Variants in GLMN observed in about 807,000 individuals in gnomAD.
The protein encoded by GLMN is glomulin, FKBP associated protein, also known as glomulin.
GLMN carries 75 observed loss-of-function variants against 87.8 expected under a neutral mutation model. That is an observed-to-expected ratio of 0.85 (90% confidence interval 0.71 to 1.04). The LOEUF is 1.04. GLMN is among the 50% of genes least tolerant of loss of function. GLMN has a pLI of 0.00. For missense variants in GLMN, 588 were observed against 658.8 expected, an observed-to-expected ratio of 0.89 and a Z score of 1.18; for synonymous variants, 206 against 221.6, an observed-to-expected ratio of 0.93 and a Z score of 0.63.
chr1:92,347,941 G>A, the GLMN span, among the ~76,000 whole-genome samples: 174 of 151,420 alleles, frequency 1.1e-3, 3 homozygotes, highest in South Asian at 0.018. Flanking sequence ...ATGGAGTCTC[G>A]CTCTGTTGCC....
Position 92,281,903 on chromosome 1 carries a change from A to C in GLMN, c.735+4587T>G, listed in dbSNP as rs780040555. Among the ~76,000 whole-genome samples the C allele has an allele frequency of 1.8e-4, 27 of 152,198 alleles. 1 individual carries two copies. The highest frequency in any genetic ancestry group is 3.2e-4 in the Non-Finnish European group (22 of 68,010). On this transcript the variant is annotated intron_variant, in intron 7 of 18. Coordinates refer to ENST00000370360, the MANE Select transcript of GLMN (RefSeq NM_053274.3). ...GGCCACTACATAATGGTAAAGGGAT[A>C]AATTCAACAAGAAGAGCTAACTATC...
At chr1:92,266,567 C>G in intron 12 of GLMN, 75 bp from the exon 13 acceptor site, 1 of 1,000,318 alleles carries the variant, frequency 1.0e-6, no homozygotes, top group Non-Finnish European at 1.6e-6. Context: ...CCATTTTATG[C>G]ATGTAATACA....
At chr1:92,282,096 C>T (rs972764423) in intron 7 of GLMN, among the ~76,000 whole-genome samples, 16 of 152,116 alleles carry the variant, frequency 1.1e-4, no homozygotes, top group Non-Finnish European at 2.1e-4. Context: ...ATATCCAGGA[C>T]TTGAACTCAG....
the GLMN span, among the ~76,000 whole-genome samples, chr1:92,307,681 A>T: frequency 2.0e-5 from 3 of 152,274 alleles, no homozygotes; most frequent in East Asian, 5.8e-4. Flanking sequence ...TCTTTATAAA[A>T]ATCAGTACAC....
At position 92,298,939 on chromosome 1, in the gene GLMN, G is replaced by C; in HGVS notation, c.-45C>G. ...ACTCCACTTACCGGCCAGAACCCTC[G>C]CCTCTCCCAGCCGCCGCCACCTCCT... On this transcript the variant is annotated 5_prime_UTR_variant, in exon 1 of 19. Transcript: ENST00000370360. 1 of 481,182 alleles carries C rather than the reference G, an allele frequency of 2.1e-6. No individual in the cohort carries two copies. The highest frequency in any genetic ancestry group is 3.9e-5 in the Admixed American group (1 of 25,608). The allele number at this position is 481,182 out of a possible 1,614,324, so 29.8% of individuals were successfully genotyped here.
At chr1:92,318,717 T>C in the GLMN span, among the ~76,000 whole-genome samples, 1 of 152,208 alleles carries the variant, frequency 6.6e-6, no homozygotes, top group Non-Finnish European at 1.5e-5. Flanking sequence ...GGGCCTTGCT[T>C]TATGATTTAT....
intron 16 of GLMN, among the ~76,000 whole-genome samples, chr1:92,257,764 TTAAACA>T (rs1293217722): frequency 2.0e-5 from 3 of 152,236 alleles, no homozygotes; most frequent in East Asian, 1.9e-4. Context: ...GATTAAAGAC[TTAAACA>T]TAAAATCTAA....
chr1:92,264,177 C>T (rs909391185), intron 14 of GLMN, among the ~76,000 whole-genome samples: 1 of 151,962 alleles, frequency 6.6e-6, no homozygotes, highest in African/African-American at 2.4e-5. Flanking sequence ...GCCAGGCGCA[C>T]TGGTGGACAC....
At chr1:92,324,256 C>T in the GLMN span, 10 of 1,613,930 alleles carry the variant, frequency 6.2e-6, no homozygotes, top group Non-Finnish European at 8.5e-6. Flanking sequence ...CATTAAACCA[C>T]TGCCAAGTTA....
In GLMN at chr1:92,282,075, G is replaced by T. The variant is rs1570942634; in HGVS notation, c.735+4415C>A. 2.0e-5 allele frequency among the ~76,000 whole-genome samples: 3 copies of T among 152,126 alleles called. No individual in the cohort carries two copies. The South Asian group carries it at 6.2e-4, about 32-fold the overall frequency. On this transcript the variant is annotated intron_variant, in intron 7 of 18. Transcript: ENST00000370360. ...TATTACACAGAACAATGAGACAGAA[G>T]GTTAACAAGGATATCCAGGACTTGA...
the GLMN span, among the ~76,000 whole-genome samples, chr1:92,359,166 A>G: frequency 6.6e-6 from 1 of 152,264 alleles, no homozygotes; most frequent in Non-Finnish European, 1.5e-5. Flanking sequence ...GAGAAACACT[A>G]CAGCTCTAGA....
chr1:92,370,127 C>T, the GLMN span, among the ~76,000 whole-genome samples: 7 of 152,190 alleles, frequency 4.6e-5, no homozygotes, highest in Non-Finnish European at 1.0e-4. Context: ...AAAAGTGATC[C>T]GCCCGCATCA....
chr1:92,254,077 C>T (rs1653901819), intron 16 of GLMN, among the ~76,000 whole-genome samples: 1 of 152,068 alleles, frequency 6.6e-6, no homozygotes, highest in African/African-American at 2.4e-5. Flanking sequence ...ACATAAATGA[C>T]CTGATGGAGC....
At chr1:92,355,968 G>A in the GLMN span, among the ~76,000 whole-genome samples, 1 of 152,142 alleles carries the variant, frequency 6.6e-6, no homozygotes, top group Admixed American at 6.5e-5. Flanking sequence ...GGAGAACGTG[G>A]AGTGGTTTAG....
intron 3 of GLMN, among the ~76,000 whole-genome samples, chr1:92,295,384 G>A (rs1649927044): frequency 6.7e-6 from 1 of 148,506 alleles, no homozygotes; most frequent in Non-Finnish European, 1.5e-5. Context: ...TCACAGATAT[G>A]TGTCTCAGAG....
At position 92,271,529 on chromosome 1, in the gene GLMN, C is replaced by A. The variant is rs745627489; in HGVS notation, c.859G>T (p.Ala287Ser). 1.4e-5 allele frequency: 22 copies of A among 1,612,546 alleles called. No individual in the cohort carries two copies. Among genetic ancestry groups the A allele is most frequent in the Non-Finnish European group, 1.9e-5 (22 of 1,178,796 alleles). Residue 287 changes from alanine to serine, a missense_variant, in exon 8 of 19, where the codon GCT becomes TCT. Coordinates refer to ENST00000370360, the MANE Select transcript of GLMN (RefSeq NM_053274.3). ...EENKQLADSM[A>S]SLAYLVFVQG... Reference sequence around the variant, plus strand: ...ACAAATACTAGATATGCCAGAGAAGCCATTGAGTCTGCTAACTGTTTATTT... The same window carrying A: ...ACAAATACTAGATATGCCAGAGAAGACATTGAGTCTGCTAACTGTTTATTT...
chr1:92,309,695 T>C, the GLMN span, among the ~76,000 whole-genome samples: 2 of 152,164 alleles, frequency 1.3e-5, no homozygotes, highest in Non-Finnish European at 2.9e-5. Context: ...TAAACAAGTT[T>C]GTGTTGACTT....
intron 3 of GLMN, among the ~76,000 whole-genome samples, chr1:92,297,115 C>CTTTTTT (rs1034040272): frequency 1.7e-3 from 202 of 118,220 alleles, no homozygotes; most frequent in Middle Eastern, 4.4e-3. Flanking sequence ...TGTTTCTTTT[C>CTTTTTT]TTTTTTTTTT....
the GLMN span, among the ~76,000 whole-genome samples, chr1:92,363,075 A>T: frequency 6.6e-6 from 1 of 152,176 alleles, no homozygotes; most frequent in Non-Finnish European, 1.5e-5. Flanking sequence ...GGGGAAAAAA[A>T]TGCACATTTG....
Sources: gnomAD v4.1 joint callset for allele counts (sites outside exome capture counted in the v4.1 genomes callset) on GRCh38, gnomAD v4.1.1 for gene constraint, MANE v1.5 for transcripts, NCBI Gene and HGNC (gene_info 2026-07-23, HGNC 2026-07-21) for gene names.